Variants in CMTM8 observed in about 807,000 individuals in gnomAD.
CMTM8 encodes CKLF like MARVEL transmembrane domain containing 8.
A neutral mutation model predicts 18.6 loss-of-function variants in CMTM8; 12 were observed. The ratio of observed to expected loss-of-function variants is 0.65; its 90% confidence interval spans 0.41 to 1.05. The LOEUF (loss-of-function observed/expected upper bound fraction) is 1.05, where lower values mean the gene tolerates loss of function less well. CMTM8 is among the 50% of genes least tolerant of loss of function. The pLI is 0.00. For synonymous variants in CMTM8, 87 were observed against 90.6 expected (o/e 0.96, Z 0.23); for missense variants, 217 against 227.2 (o/e 0.95, Z 0.29).
intron 1 of CMTM8, among the ~76,000 whole-genome samples, chr3:32,315,128 C>CTTTTTT (rs774058477): frequency 7.2e-6 from 1 of 138,590 alleles, no homozygotes; most frequent in African/African-American, 2.8e-5. Context: ...TCTTCTTCTT[C>CTTTTTT]TTTTTTTTTT....
chr3:32,290,171 G>A (rs6771770), intron 1 of CMTM8, among the ~76,000 whole-genome samples: 46,285 of 151,976 alleles, frequency 0.3, 7,299 homozygotes, highest in Admixed American at 0.36. Flanking sequence ...TATTATCTAC[G>A]ACAAAAATCC....
intron 1 of CMTM8, among the ~76,000 whole-genome samples, chr3:32,278,637 C>T (rs1450297881): frequency 6.6e-6 from 1 of 152,188 alleles, no homozygotes; most frequent in Non-Finnish European, 1.5e-5. Context: ...AACTCCTTCT[C>T]AGGATAACGC....
chr3:32,353,244 T>G (rs1381421282), intron 1 of CMTM8, among the ~76,000 whole-genome samples: 2 of 152,234 alleles, frequency 1.3e-5, no homozygotes, highest in Non-Finnish European at 2.9e-5. Context: ...TCCGCCTGCC[T>G]CAGCCGCCCA....
At chr3:32,261,967 A>G (rs1702265460) in intron 1 of CMTM8, among the ~76,000 whole-genome samples, 1 of 152,198 alleles carries the variant, frequency 6.6e-6, no homozygotes, top group Non-Finnish European at 1.5e-5. Flanking sequence ...ATTATGCATC[A>G]TTAGTTGGCT....
chr3:32,272,530 G>T (rs964377801), intron 1 of CMTM8, among the ~76,000 whole-genome samples: 1 of 152,026 alleles, frequency 6.6e-6, no homozygotes, highest in African/African-American at 2.4e-5. Flanking sequence ...CTGCATTTTA[G>T]TTATTTATAT....
intron 1 of CMTM8, among the ~76,000 whole-genome samples, chr3:32,298,882 CATAT>C (rs548404954): frequency 7.0e-6 from 1 of 142,808 alleles, no homozygotes; most frequent in Non-Finnish European, 1.5e-5. Context: ...CACACACATA[CATAT>C]ATATACACAC....
intron 1 of CMTM8, among the ~76,000 whole-genome samples, chr3:32,253,377 T>C (rs1446717046): frequency 6.1e-5 from 9 of 146,486 alleles, no homozygotes; most frequent in African/African-American, 2.0e-4. Flanking sequence ...AAAGTCTTAC[T>C]CTGTCACCCA....
At chr3:32,297,231 T>A (rs1245385424) in intron 1 of CMTM8, among the ~76,000 whole-genome samples, 1 of 152,136 alleles carries the variant, frequency 6.6e-6, no homozygotes, top group East Asian at 1.9e-4. Flanking sequence ...CAGGCTGGAG[T>A]GCAGTGGTAC....
intron 1 of CMTM8, among the ~76,000 whole-genome samples, chr3:32,274,645 T>G (rs1308174192): frequency 2.6e-5 from 4 of 152,080 alleles, no homozygotes; most frequent in Non-Finnish European, 5.9e-5. Flanking sequence ...ATAACCACAG[T>G]GTAACTATCA....
rs1701907911 is a variant in CMTM8 at position 32,239,003 on chromosome 3, A to C, written c.31A>C (p.Thr11Pro). Reference sequence around the variant, plus strand: ...GGAGCCGCAGCGCGCCCGCTCGCACACAGTCACCACCACCGCCAGCTCCTT... The same window carrying C: ...GGAGCCGCAGCGCGCCCGCTCGCACCCAGTCACCACCACCGCCAGCTCCTT... MEEPQRARSH[T>P]VTTTASSFAE... is the part of the protein sequence containing the mutation. The change falls in exon 1 of 4, where the codon ACA becomes CCA. Residue 11 changes from threonine to proline, a missense_variant. Physicochemically the swap from Thr to Pro is conservative, Grantham distance 38. Coordinates refer to ENST00000307526, the MANE Select transcript of CMTM8 (RefSeq NM_178868.5). 6.4e-7 allele frequency: 1 copy of C among 1,557,626 alleles called. No individual in the cohort carries two copies. Among genetic ancestry groups the C allele is most frequent in the East Asian group, 2.4e-5 (1 of 41,124 alleles).
At chr3:32,321,389 C>T (rs964934613) in intron 1 of CMTM8, among the ~76,000 whole-genome samples, 10 of 152,116 alleles carry the variant, frequency 6.6e-5, no homozygotes, top group Non-Finnish European at 1.2e-4. Context: ...CTGGTGCCTC[C>T]GTGGAGCCTT....
intron 1 of CMTM8, among the ~76,000 whole-genome samples, chr3:32,283,446 C>T (rs1359094643): frequency 6.6e-5 from 10 of 152,176 alleles, no homozygotes; most frequent in South Asian, 2.1e-4. Flanking sequence ...GAGCTCACAT[C>T]GCAGGCGCAT....
chr3:32,267,659 C>T (rs1313871523), intron 1 of CMTM8, among the ~76,000 whole-genome samples: 1 of 152,144 alleles, frequency 6.6e-6, no homozygotes. Context: ...TCAGAGTGAA[C>T]AGGCAACCCA....
chr3:32,267,021 C>G (rs925074948), intron 1 of CMTM8, among the ~76,000 whole-genome samples: 1 of 152,148 alleles, frequency 6.6e-6, no homozygotes, highest in South Asian at 2.1e-4. Flanking sequence ...AATGGCCATA[C>G]TGCCCAAGGT....
At chr3:32,275,235 G>A (rs1234686325) in intron 1 of CMTM8, among the ~76,000 whole-genome samples, 2 of 151,278 alleles carry the variant, frequency 1.3e-5, no homozygotes, top group South Asian at 2.1e-4. Context: ...GGCTGGTCTC[G>A]AACTCCTGAG....
intron 1 of CMTM8, among the ~76,000 whole-genome samples, chr3:32,266,505 T>C (rs1034473753): frequency 1.3e-5 from 2 of 152,232 alleles, no homozygotes; most frequent in Non-Finnish European, 2.9e-5. Context: ...TCATACTGCA[T>C]GGGCAAAAAC....
intron 1 of CMTM8, among the ~76,000 whole-genome samples, chr3:32,280,328 A>G (rs1236439098): frequency 1.3e-5 from 2 of 152,084 alleles, no homozygotes; most frequent in African/African-American, 4.8e-5. Flanking sequence ...ACCCCCACCC[A>G]CTTTTTCTTC....
chr3:32,239,843 T>G (rs1167089467), intron 1 of CMTM8, among the ~76,000 whole-genome samples: 1 of 152,148 alleles, frequency 6.6e-6, no homozygotes, highest in African/African-American at 2.4e-5. Context: ...TGAGTCTTCT[T>G]CGTGTACCAG....
intron 2 of CMTM8, among the ~76,000 whole-genome samples, chr3:32,361,286 G>GTTTTTTTTTTGTTTTTTTT (rs58364646): frequency 3.9e-4 from 34 of 87,252 alleles, no homozygotes; most frequent in East Asian, 8.5e-4. Context: ...CAGCCTAAGA[G>GTTTTTTTTTTGTTTTTTTT]TTTTTTTTTC....
Sources: allele counts gnomAD v4.1 joint callset (sites outside exome capture counted in the v4.1 genomes callset), GRCh38; gene constraint gnomAD v4.1.1; transcripts MANE v1.5; gene names NCBI Gene and HGNC (gene_info 2026-07-23, HGNC 2026-07-21).